The following DTD1 variants were observed in gnomAD, a reference collection of about 807,000 sequenced individuals.
The protein encoded by DTD1 is D-tyrosyl-tRNA deacylase 1 homolog.
In DTD1, 13 loss-of-function variants were observed where a neutral mutation model predicts 25.6. That is an observed-to-expected ratio of 0.51 (90% CI 0.33 to 0.81). The LOEUF (loss-of-function observed/expected upper bound fraction) is 0.81. Ranked by LOEUF, DTD1 falls within the 30% of genes least tolerant of loss-of-function variation. DTD1 has a pLI of 0.02. For missense variants in DTD1, 193 were observed against 266.4 expected (o/e 0.72, Z 1.92); for synonymous variants, 110 against 103.6 (o/e 1.06, Z -0.37).
intron 4 of DTD1, among the ~76,000 whole-genome samples, chr20:18,730,143 T>G (rs1257336973): frequency 6.6e-6 from 1 of 152,220 alleles, no homozygotes; most frequent in Non-Finnish European, 1.5e-5. Flanking sequence ...TTATTTTCCC[T>G]ATCAACACCT....
chr20:18,729,823 C>T lies in DTD1; in HGVS notation c.478-14277C>T, dbSNP rs140239505. On this transcript the variant is annotated intron_variant, in intron 4 of 5. Coordinates refer to ENST00000377452, the MANE Select transcript of DTD1 (RefSeq NM_080820.6). Reference sequence around the variant, plus strand: ...CTGCCTCCTCCCTGCATAGCCTGCCCCTGGCCGGGAATGACCACTGTCCTG... The same window carrying T: ...CTGCCTCCTCCCTGCATAGCCTGCCTCTGGCCGGGAATGACCACTGTCCTG... 3.6e-3 allele frequency among the ~76,000 whole-genome samples: 546 copies of T among 152,314 alleles called. 2 individuals carry two copies. The highest frequency in any genetic ancestry group is 7.7e-3 in the South Asian group (37 of 4,820).
At chr20:18,727,160 G>T (rs2061225375) in intron 4 of DTD1, among the ~76,000 whole-genome samples, 1 of 152,238 alleles carries the variant, frequency 6.6e-6, no homozygotes, top group South Asian at 2.1e-4. Context: ...CCCATGGGTG[G>T]GAGCAGAGGG....
At chr20:18,627,581 C>T (rs978154685) in intron 3 of DTD1, among the ~76,000 whole-genome samples, 1 of 152,196 alleles carries the variant, frequency 6.6e-6, no homozygotes, top group Admixed American at 6.5e-5. Context: ...ATTTCCATCC[C>T]TCTTACAAGG....
At chr20:18,589,534 A>G (rs968731483) in intron 1 of DTD1, among the ~76,000 whole-genome samples, 1 of 152,218 alleles carries the variant, frequency 6.6e-6, no homozygotes. Flanking sequence ...TGGTCCTGGA[A>G]TAATAGGGAA....
In DTD1 at chr20:18,593,797, A is replaced by T; in HGVS notation, c.110A>T (p.Asp37Val). 6.2e-7 allele frequency: 1 copy of T among 1,613,980 alleles called. No individual in the cohort carries two copies. The change falls in exon 2 of 6, where the codon GAT (aspartate) becomes GTT (valine). Residue 37 changes from aspartate to valine, a missense_variant. Asp to Val is a radical substitution (Grantham distance 152). Transcript: ENST00000377452. ...ICVLLGISLE[D>V]TQKELEHMVR... ...GTGTTGCTGGGTATTTCCCTGGAGG[A>T]TACGCAGAAGGAACTGGAACACATG... is the stretch of plus-strand genomic sequence containing the variant.
intron 4 of DTD1, among the ~76,000 whole-genome samples, chr20:18,654,761 C>T: frequency 6.6e-6 from 1 of 151,026 alleles, no homozygotes; most frequent in East Asian, 2.0e-4. Context: ...ATTTGATGGG[C>T]TGAGAAAAAT....
chr20:18,696,813 C>T (rs549978242), intron 4 of DTD1, among the ~76,000 whole-genome samples: 156 of 152,114 alleles, frequency 1.0e-3, no homozygotes, highest in African/African-American at 3.5e-3. Context: ...CTCGGCCTCC[C>T]AAAGTGCTGG....
intron 4 of DTD1, among the ~76,000 whole-genome samples, chr20:18,741,834 C>T (rs933155717): frequency 1.3e-5 from 2 of 151,788 alleles, no homozygotes; most frequent in South Asian, 2.1e-4. Flanking sequence ...GCGATCCTCC[C>T]GTCTCAGCCT....
At chr20:18,755,461 T>A (rs2061335396) in intron 5 of DTD1, among the ~76,000 whole-genome samples, 1 of 152,008 alleles carries the variant, frequency 6.6e-6, no homozygotes, top group Non-Finnish European at 1.5e-5. Context: ...GATGTTCCCC[T>A]TCCTGTGTCC....
chr20:18,632,769 A>ATG (rs199583858), intron 4 of DTD1: 23 of 658,790 alleles, frequency 3.5e-5, no homozygotes, highest in African/African-American at 1.8e-4. Flanking sequence ...CAAATGGATG[A>ATG]TGTGTGTGTG....
chr20:18,601,054 A>G (rs760031907), intron 3 of DTD1, among the ~76,000 whole-genome samples: 16 of 152,088 alleles, frequency 1.1e-4, no homozygotes, highest in South Asian at 6.2e-4. Context: ...GCCTTATTTC[A>G]TTAGCTAGGA....
chr20:18,639,956 G>A (rs1215214557), intron 4 of DTD1, among the ~76,000 whole-genome samples: 1 of 151,946 alleles, frequency 6.6e-6, no homozygotes, highest in Non-Finnish European at 1.5e-5. Context: ...AACCATTCGT[G>A]TCATTGTTGG....
Position 18,695,600 on chromosome 20 carries a change from CCCT to C in DTD1, c.478-48497_478-48495del, listed in dbSNP as rs1177166325. Among the ~76,000 whole-genome samples the C allele has an allele frequency of 6.7e-3, 286 of 42,560 alleles. 5 individuals carry two copies. The highest frequency in any genetic ancestry group is 0.014 in the African/African-American group (118 of 8,356). 27.9% of individuals were successfully genotyped at this position (42,560 alleles called of 152,430 possible). A position where few individuals can be genotyped will look rare whatever the true frequency, so the allele number is the denominator to read the frequency against. ...CCCTCCCCTCCCCTCCCCTCCCCTC[CCCT>C]CCCCCCTTCCCTTCTTTCCTTCTCT... On this transcript the variant is annotated intron_variant, in intron 4 of 5. Coordinates refer to ENST00000377452, the MANE Select transcript of DTD1 (RefSeq NM_080820.6).
At chr20:18,609,142 T>C (rs1373706271) in intron 3 of DTD1, among the ~76,000 whole-genome samples, 1 of 150,582 alleles carries the variant, frequency 6.6e-6, no homozygotes, top group Non-Finnish European at 1.5e-5. Context: ...AGACAGTTAT[T>C]AACTTTATTT....
intron 3 of DTD1, chr20:18,611,041 A>G (rs138875448): frequency 2.1e-4 from 32 of 152,376 alleles, no homozygotes; most frequent in Admixed American, 5.9e-4. Context: ...TTCCCCTAAT[A>G]AGAGTAAAAA....
chr20:18,720,690 C>G (rs6045569), intron 4 of DTD1, among the ~76,000 whole-genome samples: 1 of 151,554 alleles, frequency 6.6e-6, no homozygotes, highest in African/African-American at 2.4e-5. Context: ...TCCCTCTCTA[C>G]AAAAAAAACA....
chr20:18,708,173 A>G (rs1478575354), intron 4 of DTD1, among the ~76,000 whole-genome samples: 17 of 100,558 alleles, frequency 1.7e-4, no homozygotes, highest in African/African-American at 6.4e-4. Flanking sequence ...GTGTGTGTGT[A>G]TATATATATT....
rs903271505 is a variant in DTD1 at position 18,636,163 on chromosome 20, C to T, written c.477+7930C>T. 3.3e-5 allele frequency among the ~76,000 whole-genome samples: 5 copies of T among 152,056 alleles called. No individual in the cohort carries two copies. In the East Asian group the frequency reaches 7.7e-4, roughly 24 times the overall value. ...CATTTGTGTGTGTGTTAAAAAAAAACGAACTCCTTACCTTGCTGACTTGAC... is the reference window on the plus strand; with the variant it reads ...CATTTGTGTGTGTGTTAAAAAAAAATGAACTCCTTACCTTGCTGACTTGAC... On this transcript the variant is annotated intron_variant, in intron 4 of 5. Transcript: ENST00000377452.
chr20:18,711,986 T>C (rs992185418), intron 4 of DTD1, among the ~76,000 whole-genome samples: 2 of 151,944 alleles, frequency 1.3e-5, no homozygotes, highest in African/African-American at 2.4e-5. Context: ...GGAGAATTGC[T>C]TGAACCTGGG....
Sources: gnomAD v4.1 joint callset for allele counts (sites outside exome capture counted in the v4.1 genomes callset) on GRCh38, gnomAD v4.1.1 for gene constraint, MANE v1.5 for transcripts, NCBI Gene and HGNC (gene_info 2026-07-23, HGNC 2026-07-21) for gene names.